ZMPSTE24: variants seen among roughly 807,000 people sequenced by gnomAD.
The protein encoded by ZMPSTE24 is zinc metallopeptidase STE24.
ZMPSTE24 carries 48 observed loss-of-function variants against 56.7 expected under a neutral mutation model. The observed-to-expected ratio is 0.85, with a 90% CI of 0.67 to 1.08. The LOEUF is 1.08. Ranked by LOEUF, ZMPSTE24 falls within the 50% of genes least tolerant of loss-of-function variation. The pLI, the probability that ZMPSTE24 is intolerant of heterozygous loss-of-function variation, is 0.00. For synonymous variants in ZMPSTE24, 172 were observed against 195.2 expected, an observed-to-expected ratio of 0.88 and a Z score of 0.99; for missense variants, 503 against 548.7, an observed-to-expected ratio of 0.92 and a Z score of 0.83.
At chr1:40,260,689 C>T in intron 1 of ZMPSTE24, 150 bp from the exon 2 acceptor site, 1 of 734,994 alleles carries the variant, frequency 1.4e-6, no homozygotes, top group Non-Finnish European at 2.2e-6. Flanking sequence ...TCAGTCGTTT[C>T]ATGTACTTGA....
At chr1:40,282,401 G>C (rs997002277) in intron 7 of ZMPSTE24, among the ~76,000 whole-genome samples, 8 of 152,218 alleles carry the variant, frequency 5.3e-5, no homozygotes, top group African/African-American at 1.9e-4. Flanking sequence ...GTATTTGTAT[G>C]TGTGATGGAA....
Position 40,258,846 on chromosome 1 carries a change from A to AAAAC in ZMPSTE24, c.123+468_123+471dup, listed in dbSNP as rs576775491. On this transcript the variant is annotated intron_variant, in intron 1 of 9. Coordinates refer to ENST00000372759, the MANE Select transcript of ZMPSTE24 (RefSeq NM_005857.5). ...AGTGCATATATTGTTTCTGCTTGAA[A>AAAAC]AAACAAACAAACAAACAAAAAACTT... 1.1e-3 allele frequency among the ~76,000 whole-genome samples: 163 copies of AAAAC among 152,202 alleles called. 3 individuals are homozygous for AAAAC. In the South Asian group the frequency reaches 0.019, roughly 18 times the overall value.
chr1:40,281,289 A>G (rs892101339), intron 6 of ZMPSTE24, 54 bp from the exon 7 acceptor site: 2 of 1,573,196 alleles, frequency 1.3e-6, no homozygotes, highest in Admixed American at 1.7e-5. Flanking sequence ...AGTCTCTCCA[A>G]AGGACCCCAA....
chr1:40,292,066 C>T (rs923514617), intron 9 of ZMPSTE24, among the ~76,000 whole-genome samples: 2 of 152,002 alleles, frequency 1.3e-5, no homozygotes, highest in African/African-American at 2.4e-5. Context: ...GTCTCGAACT[C>T]CTGACCTCAG....
At chr1:40,278,553 G>T (rs564221824) in intron 6 of ZMPSTE24, among the ~76,000 whole-genome samples, 2 of 46,940 alleles carry the variant, frequency 4.3e-5, no homozygotes, top group Non-Finnish European at 7.2e-5. Context: ...GTGAGACTCC[G>T]TCTCAAAAAA....
At chr1:40,261,854 C>T (rs995926643) in intron 2 of ZMPSTE24, among the ~76,000 whole-genome samples, 48 of 152,096 alleles carry the variant, frequency 3.2e-4, no homozygotes, top group Admixed American at 1.0e-3. Flanking sequence ...GGACTACAGG[C>T]GCGTGCCACC....
At chr1:40,286,051 T>G in intron 8 of ZMPSTE24, 22 bp downstream of exon 8, 1 of 1,580,760 alleles carries the variant, frequency 6.3e-7, no homozygotes, top group Non-Finnish European at 8.7e-7. Context: ...GTGACAATTC[T>G]TTTTTTATGG....
rs765277454 is a variant in ZMPSTE24 at position 40,258,331 on chromosome 1, C to T, written c.60C>T (p.Phe20=). The T allele has an allele frequency of 5.4e-5, 87 of 1,614,056 alleles. No individual in the cohort carries two copies. The highest frequency in any genetic ancestry group is 7.0e-5 in the Non-Finnish European group (83 of 1,180,048). ...AGATGCCGGCCGAGAAGCGTATCTT[C>T]GGGGCCGTGCTGCTCTTTTCCTGGA... ...LWEMPAEKRI[F]GAVLLFSWTV... The change falls in exon 1 of 10, where the codon TTC becomes TTT. Residue 20 remains phenylalanine (F), a synonymous_variant. Transcript: ENST00000372759.
At chr1:40,267,380 A>AT (rs869254272) in intron 2 of ZMPSTE24, among the ~76,000 whole-genome samples, 1 of 140,822 alleles carries the variant, frequency 7.1e-6, no homozygotes, top group Non-Finnish European at 1.6e-5. Context: ...ATTTTATTTT[A>AT]TTTGAGACAG....
At chr1:40,280,316 C>G (rs376325350) in intron 6 of ZMPSTE24, among the ~76,000 whole-genome samples, 2 of 152,292 alleles carry the variant, frequency 1.3e-5, no homozygotes, top group East Asian at 3.9e-4. Context: ...CTGCGCTGTA[C>G]GTTCGTTAGC....
chr1:40,288,832 C>T (rs529137363), intron 8 of ZMPSTE24, among the ~76,000 whole-genome samples: 4 of 152,090 alleles, frequency 2.6e-5, no homozygotes, highest in East Asian at 3.9e-4. Flanking sequence ...ATAATTCAGC[C>T]GAACCATTTT....
intron 6 of ZMPSTE24, among the ~76,000 whole-genome samples, chr1:40,273,668 A>G (rs1455185263): frequency 6.8e-6 from 1 of 146,866 alleles, no homozygotes; most frequent in Non-Finnish European, 1.5e-5. Context: ...AAGCCAGTTC[A>G]TACTTACTTC....
At chr1:40,267,400 T>G (rs1643561807) in intron 2 of ZMPSTE24, among the ~76,000 whole-genome samples, 1 of 147,152 alleles carries the variant, frequency 6.8e-6, no homozygotes, top group African/African-American at 2.5e-5. Context: ...GGGTCTCAGT[T>G]TATTGCCTTG....
intron 5 of ZMPSTE24, among the ~76,000 whole-genome samples, chr1:40,271,340 C>T (rs141892682): frequency 3.9e-5 from 6 of 152,180 alleles, no homozygotes; most frequent in African/African-American, 1.4e-4. Flanking sequence ...TATTGTATGG[C>T]AAATTAAAGT....
chr1:40,262,721 A>T (rs770975007), intron 2 of ZMPSTE24: 2 of 655,798 alleles, frequency 3.0e-6, no homozygotes, highest in Non-Finnish European at 4.0e-6. Flanking sequence ...AATATTTTGC[A>T]TGTTTTCCCT....
Position 40,281,521 on chromosome 1 carries a change from A to G in ZMPSTE24, c.948A>G (p.Lys316=), listed in dbSNP as rs1370005885. Residue 316 remains lysine (K), a synonymous_variant, in exon 7 of 10, where the codon AAA becomes AAG. Transcript: ENST00000372759. ...GGAACAGTGAAGAAATAAAAGCTAA[A>G]GTTAAAGTGAGTTATTTTTTCCTAA... The part of the protein sequence containing the change: ...EEGNSEEIKA[K]VKNKKQGCKN... 6.2e-7 allele frequency: 1 copy of G among 1,613,642 alleles called. No individual in the cohort carries two copies. The highest frequency in any genetic ancestry group is 1.3e-5 in the African/African-American group (1 of 74,898).
At chr1:40,270,759 C>G (rs1429630638) in intron 5 of ZMPSTE24, among the ~76,000 whole-genome samples, 5 of 152,096 alleles carry the variant, frequency 3.3e-5, no homozygotes, top group Admixed American at 3.3e-4. Context: ...CCTCACATCT[C>G]CTATTCCTCT....
At chr1:40,267,345 A>G (rs1643560591) in intron 2 of ZMPSTE24, among the ~76,000 whole-genome samples, 2 of 145,790 alleles carry the variant, frequency 1.4e-5, no homozygotes, top group African/African-American at 2.6e-5. Context: ...ATTTTATTTT[A>G]TTTTATTTTA....
chr1:40,285,260 C>T (rs919093908), intron 7 of ZMPSTE24, among the ~76,000 whole-genome samples: 2 of 152,092 alleles, frequency 1.3e-5, no homozygotes, highest in South Asian at 2.1e-4. Flanking sequence ...GCGCATACCA[C>T]GATACCCTGC....
Sources: gnomAD v4.1 joint callset for allele counts (sites outside exome capture counted in the v4.1 genomes callset) on GRCh38, gnomAD v4.1.1 for gene constraint, MANE v1.5 for transcripts, NCBI Gene and HGNC (gene_info 2026-07-23, HGNC 2026-07-21) for gene names.